ELMO1: variants seen among roughly 807,000 people sequenced by gnomAD.
ELMO1 encodes engulfment and cell motility 1, also known as engulfment and cell motility protein 1.
ELMO1 carries 26 observed loss-of-function variants against 98.9 expected under a neutral mutation model. That is an observed-to-expected ratio of 0.26 (90% CI 0.19 to 0.36). The LOEUF is 0.36. Among genes scored for constraint, ELMO1 ranks in the 10% least tolerant of loss-of-function variants. The probability of loss-of-function intolerance (pLI) is 1.00; values close to 1 mark genes in which losing one functional copy is unlikely to be tolerated. For synonymous variants in ELMO1, 346 were observed against 346.0 expected (o/e 1.00, Z 0.00); for missense variants, 627 against 935.2 (o/e 0.67, Z 4.30).
chr7:37,133,195 G>A lies in ELMO1; in HGVS notation c.1126C>T (p.Pro376Ser). 1.2e-6 allele frequency: 2 copies of A among 1,612,792 alleles called. No homozygotes were observed. Among genetic ancestry groups the A allele is most frequent in the Non-Finnish European group, 1.7e-6 (2 of 1,179,460 alleles). The change falls in exon 14 of 22, where the codon CCT becomes TCT. Residue 376 changes from proline to serine, a missense_variant. This residue lies in a region of ELMO1 where 492 missense variants were observed against 715.6 expected (regional missense o/e 0.69). Coordinates refer to ENST00000310758, the MANE Select transcript of ELMO1 (RefSeq NM_014800.11). ...ATGTTGTCCAGAGCCAACATCCCAG[G>A]TGGAGTCTGCGTGAAGTCCATGGCA... ...NPAMDFTQTP[P>S]GMLALDNMLY... is the part of the protein sequence containing the mutation.
At chr7:37,183,023 G>A (rs1024855759) in intron 13 of ELMO1, among the ~76,000 whole-genome samples, 10 of 152,228 alleles carry the variant, frequency 6.6e-5, no homozygotes, top group South Asian at 2.1e-4. Context: ...ACTAACACAC[G>A]GAAGCTAGGT....
At chr7:36,939,219 G>T (rs1786808356) in intron 16 of ELMO1, among the ~76,000 whole-genome samples, 3 of 149,564 alleles carry the variant, frequency 2.0e-5, no homozygotes, top group African/African-American at 7.5e-5. Flanking sequence ...CCAAAGACTT[G>T]GCCACTTACC....
At position 37,256,551 on chromosome 7, in the gene ELMO1, AAAGGAAGG is replaced by A. The variant is rs71873823; in HGVS notation, c.413+2622_413+2629del. Among the ~76,000 whole-genome samples the A allele has an allele frequency of 7.4e-4, 85 of 115,122 alleles. No individual in the cohort carries two copies. In the East Asian group the frequency reaches 0.015, roughly 21 times the overall value. The allele number at this position is 115,122 out of a possible 152,430, so 75.5% of individuals were successfully genotyped here. ...GGAAGGAAGGAAGGAAAGAAGGAAGAAAGGAAGGAAGGAAGGAAGGAAGGAAAGGAGGG... is the reference window on the plus strand; with the variant it reads ...GGAAGGAAGGAAGGAAAGAAGGAAGAAAGGAAGGAAGGAAGGAAAGGAGGG... On this transcript the variant is annotated intron_variant, in intron 6 of 21. Coordinates refer to ENST00000310758, the MANE Select transcript of ELMO1 (RefSeq NM_014800.11).
At chr7:36,882,808 T>C (rs970362073) in intron 18 of ELMO1, among the ~76,000 whole-genome samples, 2 of 152,258 alleles carry the variant, frequency 1.3e-5, no homozygotes, top group African/African-American at 2.4e-5. Context: ...AGTTTCCTGC[T>C]CTTCTAGTCA....
At chr7:37,093,725 A>C (rs1784238585) in intron 15 of ELMO1, among the ~76,000 whole-genome samples, 1 of 152,242 alleles carries the variant, frequency 6.6e-6, no homozygotes, top group African/African-American at 2.4e-5. Flanking sequence ...TTTGGTGTCT[A>C]GCATTCAATC....
chr7:37,266,783 C>T (rs953571153), intron 5 of ELMO1, among the ~76,000 whole-genome samples: 1 of 151,924 alleles, frequency 6.6e-6, no homozygotes, highest in Non-Finnish European at 1.5e-5. Context: ...GAGGTTGAGG[C>T]GAGCAGATAA....
chr7:37,293,658 T>C (rs1797871082), intron 4 of ELMO1, among the ~76,000 whole-genome samples: 1 of 96,648 alleles, frequency 1.0e-5, no homozygotes, highest in Non-Finnish European at 2.4e-5. Flanking sequence ...TTCCCTCCAC[T>C]ATTGTCCTGT....
chr7:37,385,507 C>G (rs1373978621), intron 1 of ELMO1, among the ~76,000 whole-genome samples: 2 of 152,210 alleles, frequency 1.3e-5, no homozygotes, highest in Admixed American at 6.5e-5. Context: ...TGGCTCCTAT[C>G]TAAAATGGTG....
At chr7:37,033,306 G>A in intron 15 of ELMO1, 1 of 447,496 alleles carries the variant, frequency 2.2e-6, no homozygotes, top group Admixed American at 2.5e-5. Flanking sequence ...CTCTGCCTAT[G>A]CTTTAATAAA....
At chr7:37,366,594 T>G (rs879390418) in intron 1 of ELMO1, among the ~76,000 whole-genome samples, 24 of 152,308 alleles carry the variant, frequency 1.6e-4, no homozygotes, top group Non-Finnish European at 2.5e-4. Flanking sequence ...AAGTTAGATG[T>G]TTCTACCTGG....
intron 1 of ELMO1, among the ~76,000 whole-genome samples, chr7:37,380,734 CTTTAT>C (rs1802547307): frequency 6.6e-6 from 1 of 152,172 alleles, no homozygotes; most frequent in African/African-American, 2.4e-5. Context: ...CAATGTGCAA[CTTTAT>C]TTTATGTGTG....
intron 2 of ELMO1, among the ~76,000 whole-genome samples, chr7:37,321,552 C>T (rs1351672020): frequency 6.6e-6 from 1 of 151,430 alleles, no homozygotes; most frequent in Admixed American, 6.6e-5. Context: ...CCCGTCTCTA[C>T]TAAAAATACA....
chr7:37,249,948 G>A (rs1052618362), intron 6 of ELMO1, among the ~76,000 whole-genome samples: 2 of 152,058 alleles, frequency 1.3e-5, no homozygotes, highest in Admixed American at 6.6e-5. Flanking sequence ...CAGGTGTGGT[G>A]GCACCTGTAG....
Position 37,342,339 on chromosome 7 carries a change from C to T in ELMO1, c.78+274G>A, listed in dbSNP as rs769193472. On this transcript the variant is annotated intron_variant, in intron 2 of 21. Coordinates refer to ENST00000310758, the MANE Select transcript of ELMO1 (RefSeq NM_014800.11). This position sits in a 1 kb window ranked among gnomAD's most constrained non-coding sequence, Gnocchi z 4.3. ...GGGGCAGCCTCCACTGTGTCAACTG[C>T]CCAGGGCCCGATCCACTTGTCCCTC... Among the ~76,000 whole-genome samples, 1 of 152,220 alleles carries T rather than the reference C, an allele frequency of 6.6e-6. No individual in the cohort carries two copies. The highest frequency in any genetic ancestry group is 2.4e-5 in the African/African-American group (1 of 41,452).
chr7:37,282,965 G>A (rs1044183694), intron 4 of ELMO1, among the ~76,000 whole-genome samples: 5 of 152,220 alleles, frequency 3.3e-5, no homozygotes, highest in African/African-American at 1.2e-4. Flanking sequence ...GAAAGAACAA[G>A]TATTAAGAGA....
At chr7:37,075,492 G>A (rs554121268) in intron 15 of ELMO1, among the ~76,000 whole-genome samples, 3 of 151,814 alleles carry the variant, frequency 2.0e-5, no homozygotes, top group South Asian at 4.2e-4. Flanking sequence ...TTATCTTTCC[G>A]ATAAAACCCT....
chr7:37,150,873 G>C (rs180889022), intron 13 of ELMO1, among the ~76,000 whole-genome samples: 1 of 152,178 alleles, frequency 6.6e-6, no homozygotes, highest in South Asian at 2.1e-4. Context: ...TATGCCCACT[G>C]TTCTCTAACA....
chr7:37,268,532 C>T (rs1365591169), intron 5 of ELMO1, among the ~76,000 whole-genome samples: 1 of 152,114 alleles, frequency 6.6e-6, no homozygotes, highest in African/African-American at 2.4e-5. Context: ...GAACTCCTGA[C>T]CTCGTGATCT....
At chr7:36,915,315 T>C (rs1489701772) in intron 16 of ELMO1, among the ~76,000 whole-genome samples, 1 of 152,216 alleles carries the variant, frequency 6.6e-6, no homozygotes, top group African/African-American at 2.4e-5. Context: ...TTTTCTGTCT[T>C]GCTCAGAACA....
Sources: allele counts gnomAD v4.1 joint callset (sites outside exome capture counted in the v4.1 genomes callset), GRCh38; gene constraint gnomAD v4.1.1; regional missense constraint gnomAD v4.1.1; non-coding constraint Gnocchi (gnomAD v3.1); transcripts MANE v1.5; gene names NCBI Gene and HGNC (gene_info 2026-07-23, HGNC 2026-07-21).